Variants in ZFAND3 observed in about 807,000 individuals in gnomAD.
ZFAND3 encodes zinc finger AN1-type containing 3.
ZFAND3 carries 10 observed loss-of-function variants against 29.6 expected under a neutral mutation model. The observed-to-expected ratio is 0.34, with a 90% CI of 0.21 to 0.57. ZFAND3 has a LOEUF of 0.57. Among genes scored for constraint, ZFAND3 ranks in the 20% least tolerant of loss-of-function variants. The probability of loss-of-function intolerance (pLI) is 0.86; values close to 1 mark genes in which losing one functional copy is unlikely to be tolerated. For missense variants in ZFAND3, 230 were observed against 304.5 expected (o/e 0.76, Z 1.82); for synonymous variants, 128 against 112.6 (o/e 1.14, Z -0.87).
rs114909398 is a variant in ZFAND3, at chr6:38,099,066, C to T, written c.361+16609C>T. 7.5e-3 allele frequency among the ~76,000 whole-genome samples: 1,145 copies of T among 152,142 alleles called. 11 individuals carry two copies. Among genetic ancestry groups the T allele is most frequent in the African/African-American group, 0.026 (1,064 of 41,516 alleles). On this transcript the variant is annotated intron_variant, in intron 4 of 5. Coordinates refer to ENST00000287218, the MANE Select transcript of ZFAND3 (RefSeq NM_021943.3). ...TTTAAAAACATAAATATTCCTATTT[C>T]CTGAGGTCTCTAAGCTTTTATACTA...
At chr6:37,950,774 G>T (rs1761984849) in intron 2 of ZFAND3, among the ~76,000 whole-genome samples, 1 of 152,120 alleles carries the variant, frequency 6.6e-6, no homozygotes, top group South Asian at 2.1e-4. Flanking sequence ...TGCTGTTCTG[G>T]TTACTATAGT....
At chr6:37,903,103 T>G (rs1765349782) in intron 1 of ZFAND3, among the ~76,000 whole-genome samples, 3 of 152,140 alleles carry the variant, frequency 2.0e-5, no homozygotes, top group Admixed American at 6.5e-5. Flanking sequence ...GTCTTGAAAG[T>G]TTTGAGAGTC....
chr6:37,927,841 T>C (rs1376358658), intron 1 of ZFAND3, among the ~76,000 whole-genome samples: 2 of 152,240 alleles, frequency 1.3e-5, no homozygotes, highest in South Asian at 2.1e-4. Flanking sequence ...GGCCGAAGTT[T>C]GGCATGATGA....
At chr6:38,028,495 A>G (rs571712208) in intron 2 of ZFAND3, among the ~76,000 whole-genome samples, 7 of 151,992 alleles carry the variant, frequency 4.6e-5, no homozygotes, top group Admixed American at 1.3e-4. Context: ...ATAGTGGTCT[A>G]TATTCCATGC....
chr6:37,975,428 T>A (rs1173246877), intron 2 of ZFAND3, among the ~76,000 whole-genome samples: 2 of 152,214 alleles, frequency 1.3e-5, no homozygotes, highest in African/African-American at 4.8e-5. Flanking sequence ...CTTGTCTTTT[T>A]TATAACAGTG....
intron 2 of ZFAND3, among the ~76,000 whole-genome samples, chr6:37,982,646 A>G (rs183500276): frequency 1.3e-5 from 2 of 152,342 alleles, no homozygotes; most frequent in Admixed American, 6.5e-5. Flanking sequence ...AGCCAGTACA[A>G]TTATGTACAC....
At chr6:37,939,549 A>G (rs1383603060) in intron 2 of ZFAND3, among the ~76,000 whole-genome samples, 1 of 152,130 alleles carries the variant, frequency 6.6e-6, no homozygotes, top group Non-Finnish European at 1.5e-5. Context: ...GGGGACAGGG[A>G]CAGGGTGCAT....
rs56045448 is a variant in ZFAND3 at position 37,913,708 on chromosome 6, CT to C, written c.72-16232del. Among the ~76,000 whole-genome samples, 1,040 of 113,034 alleles carry C rather than the reference CT, an allele frequency of 9.2e-3. 16 individuals carry two copies. The highest frequency in any genetic ancestry group is 0.051 in the South Asian group (184 of 3,616). 74.2% of individuals were successfully genotyped at this position (113,034 alleles called of 152,430 possible). On this transcript the variant is annotated intron_variant, in intron 1 of 5. Coordinates refer to ENST00000287218, the MANE Select transcript of ZFAND3 (RefSeq NM_021943.3). ...CCCAGCTGTCTATGGCAGCTATATT[CT>C]TTTTTTTTTTTTTTTTTTGAGACAG... is the stretch of plus-strand genomic sequence containing the variant.
At chr6:38,038,783 A>G (rs937065021) in intron 2 of ZFAND3, among the ~76,000 whole-genome samples, 1 of 152,098 alleles carries the variant, frequency 6.6e-6, no homozygotes, top group Admixed American at 6.6e-5. Flanking sequence ...TTTACATGTC[A>G]TTTTAGATGC....
Position 37,922,398 on chromosome 6 carries a change from TGAA to T in ZFAND3, c.72-7557_72-7555del, listed in dbSNP as rs34462359. Reference sequence around the variant, plus strand: ...TGTCACAGAGCAACACACATGTTTTTGAAGAATATTTAAGGCGTGATAAATATT... The same window carrying T: ...TGTCACAGAGCAACACACATGTTTTTGAATATTTAAGGCGTGATAAATATT... On this transcript the variant is annotated intron_variant, in intron 1 of 5. Coordinates refer to ENST00000287218, the MANE Select transcript of ZFAND3 (RefSeq NM_021943.3). 0.014 allele frequency among the ~76,000 whole-genome samples: 2,153 copies of T among 152,302 alleles called. 241 individuals carry two copies. In the East Asian group the frequency reaches 0.28, roughly 20 times the overall value.
intron 5 of ZFAND3, among the ~76,000 whole-genome samples, chr6:38,127,334 C>T (rs909724316): frequency 1.3e-5 from 2 of 152,198 alleles, no homozygotes; most frequent in Non-Finnish European, 2.9e-5. Flanking sequence ...TAGGCTACCA[C>T]GTAGCCTGTA....
chr6:38,015,908 G>GT (rs1487086024), intron 2 of ZFAND3, among the ~76,000 whole-genome samples: 1 of 152,158 alleles, frequency 6.6e-6, no homozygotes. Context: ...ATAGTGAAAT[G>GT]TTAAGATTAG....
chr6:38,117,742 C>T (rs1348988441), intron 5 of ZFAND3, among the ~76,000 whole-genome samples: 1 of 152,204 alleles, frequency 6.6e-6, no homozygotes, highest in Non-Finnish European at 1.5e-5. Flanking sequence ...AGTACTATTG[C>T]TGACAGTCAG....
At chr6:37,927,793 G>C (rs1761515946) in intron 1 of ZFAND3, among the ~76,000 whole-genome samples, 1 of 152,196 alleles carries the variant, frequency 6.6e-6, no homozygotes, top group African/African-American at 2.4e-5. Flanking sequence ...GCTGGTTCTG[G>C]ACTGGTATAT....
chr6:37,938,563 C>G (rs1581777468), intron 2 of ZFAND3, among the ~76,000 whole-genome samples: 1 of 152,076 alleles, frequency 6.6e-6, no homozygotes, highest in South Asian at 2.1e-4. Context: ...AAACTCTGTT[C>G]TTTATGGTGT....
At chr6:37,886,237 C>CAAAAA (rs55661554) in intron 1 of ZFAND3, among the ~76,000 whole-genome samples, 7 of 95,294 alleles carry the variant, frequency 7.3e-5, no homozygotes, top group South Asian at 4.0e-4. Context: ...GACTCTGTCT[C>CAAAAA]AAAAAAAAAA....
chr6:37,973,456 G>C (rs1392374937), intron 2 of ZFAND3, among the ~76,000 whole-genome samples: 1 of 152,218 alleles, frequency 6.6e-6, no homozygotes, highest in Non-Finnish European at 1.5e-5. Context: ...GAGTAGCACT[G>C]TCTGATGCAA....
At chr6:37,907,795 C>T (rs1765436439) in intron 1 of ZFAND3, among the ~76,000 whole-genome samples, 2 of 152,270 alleles carry the variant, frequency 1.3e-5, no homozygotes, top group East Asian at 1.9e-4. Context: ...TACTCTTCAC[C>T]TAGATTGACT....
chr6:37,956,157 A>G (rs1452773766), intron 2 of ZFAND3, among the ~76,000 whole-genome samples: 1 of 152,208 alleles, frequency 6.6e-6, no homozygotes, highest in Non-Finnish European at 1.5e-5. Context: ...AGTATTCATT[A>G]AATGTTTGAA....
Sources: allele counts gnomAD v4.1 joint callset (sites outside exome capture counted in the v4.1 genomes callset), GRCh38; gene constraint gnomAD v4.1.1; transcripts MANE v1.5; gene names NCBI Gene and HGNC (gene_info 2026-07-23, HGNC 2026-07-21).